Variants in RANBP2 observed in about 807,000 individuals in gnomAD.
RANBP2 encodes RAN binding protein 2.
Under a neutral mutation model 303.6 loss-of-function variants are expected in RANBP2, and 57 were observed. The observed-to-expected ratio is 0.19, with a 90% CI of 0.15 to 0.23. The LOEUF is 0.23. Among genes scored for constraint, RANBP2 ranks in the 10% least tolerant of loss-of-function variants. RANBP2 has a pLI of 1.00. For missense variants in RANBP2, 3,138 were observed against 3,780.8 expected, an observed-to-expected ratio of 0.83 and a Z score of 4.46; for synonymous variants, 1,167 against 1,301.5, an observed-to-expected ratio of 0.90 and a Z score of 2.23.
At chr2:109,283,028 G>A in the RANBP2 span, among the ~76,000 whole-genome samples, 1 of 152,220 alleles carries the variant, frequency 6.6e-6, no homozygotes, top group African/African-American at 2.4e-5. Context: ...GGCAAGGACT[G>A]TGTGAACTGT....
the RANBP2 span, among the ~76,000 whole-genome samples, chr2:109,568,474 C>G: frequency 6.7e-6 from 1 of 150,302 alleles, no homozygotes; most frequent in African/African-American, 2.5e-5. Context: ...TGGGTTCAAG[C>G]GATTCTCTTC....
chr2:109,419,489 T>C, the RANBP2 span: 1 of 1,531,238 alleles, frequency 6.5e-7, no homozygotes, highest in Non-Finnish European at 8.8e-7. Context: ...CTCTTTCCCT[T>C]GGATGGAGTC....
At chr2:109,155,234 C>A in the RANBP2 span, among the ~76,000 whole-genome samples, 2 of 152,150 alleles carry the variant, frequency 1.3e-5, no homozygotes, top group Non-Finnish European at 2.9e-5. Context: ...TGCATCTATG[C>A]CTATTTTATA....
At chr2:109,342,224 C>G in the RANBP2 span, among the ~76,000 whole-genome samples, 1 of 152,202 alleles carries the variant, frequency 6.6e-6, no homozygotes, top group East Asian at 1.9e-4. Context: ...CCGCCAGGCC[C>G]AGCTGCTATT....
the RANBP2 span, among the ~76,000 whole-genome samples, chr2:109,344,475 C>T: frequency 3.3e-5 from 5 of 152,298 alleles, no homozygotes; most frequent in South Asian, 2.1e-4. Flanking sequence ...CTGAGGCCAG[C>T]GTAGGGGACC....
At chr2:109,392,264 C>G in the RANBP2 span, among the ~76,000 whole-genome samples, 1 of 152,196 alleles carries the variant, frequency 6.6e-6, no homozygotes, top group Non-Finnish European at 1.5e-5. Flanking sequence ...TCCTCGTACT[C>G]TGCAGTGACG....
chr2:109,207,372 G>A, the RANBP2 span, among the ~76,000 whole-genome samples: 1 of 152,156 alleles, frequency 6.6e-6, no homozygotes, highest in Non-Finnish European at 1.5e-5. Flanking sequence ...GGGGAGGGAA[G>A]CAGGTTGCTA....
the RANBP2 span, among the ~76,000 whole-genome samples, chr2:109,422,190 A>G: frequency 1.3e-5 from 2 of 152,224 alleles, no homozygotes; most frequent in African/African-American, 4.8e-5. Context: ...TGCAAAAACA[A>G]CCACAGCAAA....
Position 108,725,331 on chromosome 2 carries a change from A to G in RANBP2, c.73-3801A>G, listed in dbSNP as rs74325695. Among the ~76,000 whole-genome samples the G allele has an allele frequency of 1.2e-3, 180 of 152,366 alleles. 8 individuals are homozygous for G. The East Asian group carries it at 0.034, about 29-fold the overall frequency. ...GCAGGTTAGAGGCAAAAGATCATAT[A>G]GAAGAATAATTTGTAAAGTTGTTTA... On this transcript the variant is annotated intron_variant, in intron 1 of 28. Transcript: ENST00000283195.
the RANBP2 span, among the ~76,000 whole-genome samples, chr2:108,839,679 C>G: frequency 6.6e-6 from 1 of 152,022 alleles, no homozygotes; most frequent in Non-Finnish European, 1.5e-5. Flanking sequence ...TTTACATGTT[C>G]ATTGATAATA....
chr2:109,382,618 C>T, the RANBP2 span, among the ~76,000 whole-genome samples: 2 of 152,216 alleles, frequency 1.3e-5, no homozygotes, highest in East Asian at 3.9e-4. Flanking sequence ...TCCTTTGGAA[C>T]ACCGAGCCCT....
the RANBP2 span, among the ~76,000 whole-genome samples, chr2:109,436,739 C>T: frequency 6.6e-6 from 1 of 152,224 alleles, no homozygotes; most frequent in Non-Finnish European, 1.5e-5. Flanking sequence ...GGCCCTTCTG[C>T]CCAGTGACGG....
At chr2:109,600,885 AGTTTATT>A in the RANBP2 span, among the ~76,000 whole-genome samples, 11 of 152,194 alleles carry the variant, frequency 7.2e-5, no homozygotes, top group African/African-American at 1.4e-4. Context: ...TCCATTTACC[AGTTTATT>A]ACAAAGAATA....
At chr2:108,989,887 T>A in the RANBP2 span, among the ~76,000 whole-genome samples, 1 of 152,070 alleles carries the variant, frequency 6.6e-6, no homozygotes, top group Non-Finnish European at 1.5e-5. Context: ...CCTACACAGA[T>A]AAATACAGGA....
At chr2:108,950,081 A>G in the RANBP2 span, among the ~76,000 whole-genome samples, 11 of 152,328 alleles carry the variant, frequency 7.2e-5, no homozygotes, top group African/African-American at 2.4e-4. Context: ...TTATGACCCC[A>G]GGAGGGGCCT....
the RANBP2 span, among the ~76,000 whole-genome samples, chr2:109,191,457 C>T: frequency 4.6e-5 from 7 of 152,148 alleles, 1 homozygote; most frequent in African/African-American, 9.7e-5. Context: ...TGTTTGGGTG[C>T]GGCCAGGCTG....
the RANBP2 span, chr2:108,882,263 C>A: frequency 6.6e-6 from 1 of 152,030 alleles, no homozygotes; most frequent in Non-Finnish European, 1.5e-5. Flanking sequence ...AAAATGTGAG[C>A]TCATGGTTTT....
chr2:108,758,019 C>T (rs1428291648), intron 17 of RANBP2, among the ~76,000 whole-genome samples: 2 of 152,014 alleles, frequency 1.3e-5, no homozygotes, highest in Non-Finnish European at 2.9e-5. Flanking sequence ...TAATCAGGTC[C>T]GGGCGTGGTG....
chr2:109,731,123 A>C, the RANBP2 span, among the ~76,000 whole-genome samples: 4 of 152,054 alleles, frequency 2.6e-5, no homozygotes, highest in Non-Finnish European at 1.5e-5. Flanking sequence ...AATCCTTACC[A>C]CTTTATTACC....
Sources: gnomAD v4.1 joint callset for allele counts (sites outside exome capture counted in the v4.1 genomes callset) on GRCh38, gnomAD v4.1.1 for gene constraint, MANE v1.5 for transcripts, NCBI Gene and HGNC (gene_info 2026-07-23, HGNC 2026-07-21) for gene names.